ATXN7: variants seen among roughly 807,000 people sequenced by gnomAD.
The protein encoded by ATXN7 is ataxin 7, also known as ataxin-7.
ATXN7 carries 12 observed loss-of-function variants against 70.5 expected under a neutral mutation model. That is an observed-to-expected ratio of 0.17 (90% CI 0.11 to 0.28). The LOEUF is 0.28. Ranked by LOEUF, ATXN7 falls within the 10% of genes least tolerant of loss-of-function variation. The pLI is 1.00. For missense variants in ATXN7, 1,256 were observed against 1,131.7 expected (o/e 1.11, Z -1.58); for synonymous variants, 498 against 448.7 (o/e 1.11, Z -1.39).
intron 12 of ATXN7, among the ~76,000 whole-genome samples, chr3:63,997,451 T>C (rs137936303): frequency 0.011 from 1,607 of 152,294 alleles, 32 homozygotes; most frequent in African/African-American, 0.037. Context: ...AGTAGAGAAG[T>C]GGCTAAGTGG....
intron 2 of ATXN7, chr3:63,911,660 TTC>T (rs1427376948): frequency 6.6e-6 from 1 of 152,244 alleles, no homozygotes; most frequent in Non-Finnish European, 1.5e-5. Context: ...TGATCTCATG[TTC>T]TCTCTTTGCT....
At chr3:63,913,349 T>C (rs548116187) in intron 4 of ATXN7, 124 bp downstream of exon 4, 45 of 1,043,418 alleles carry the variant, frequency 4.3e-5, no homozygotes, top group Non-Finnish European at 6.2e-5. Context: ...GCGAAGATGC[T>C]GCCTGAGGAG....
intron 2 of ATXN7, 28 bp from the exon 3 acceptor site, chr3:63,912,560 T>A: frequency 9.0e-7 from 1 of 1,112,086 alleles, no homozygotes; most frequent in Non-Finnish European, 1.1e-6. Flanking sequence ...CGCGCGACTC[T>A]TTCCCCCTTT....
intron 4 of ATXN7, among the ~76,000 whole-genome samples, chr3:63,945,378 A>G (rs2074842851): frequency 6.6e-6 from 1 of 152,228 alleles, no homozygotes; most frequent in Non-Finnish European, 1.5e-5. Flanking sequence ...CAACATGCAG[A>G]TTTGAGAATC....
intron 1 of ATXN7, among the ~76,000 whole-genome samples, chr3:63,865,716 C>T (rs1702396567): frequency 6.7e-6 from 1 of 148,588 alleles, no homozygotes; most frequent in African/African-American, 2.5e-5. Flanking sequence ...ACGGTGAAAC[C>T]CCGTCTCTAC....
chr3:63,886,753 C>T (rs990400988), intron 1 of ATXN7, among the ~76,000 whole-genome samples: 25 of 152,136 alleles, frequency 1.6e-4, no homozygotes, highest in Non-Finnish European at 3.2e-4. Flanking sequence ...ATTTTCATCC[C>T]GTAGGGAGCC....
intron 1 of ATXN7, among the ~76,000 whole-genome samples, chr3:63,879,113 C>T (rs575167159): frequency 6.6e-6 from 1 of 152,266 alleles, no homozygotes; most frequent in African/African-American, 2.4e-5. Context: ...TTTATCTCAT[C>T]ATCCTCATCT....
chr3:63,925,042 A>G (rs1237400507), intron 4 of ATXN7, among the ~76,000 whole-genome samples: 1 of 152,210 alleles, frequency 6.6e-6, no homozygotes, highest in Non-Finnish European at 1.5e-5. Flanking sequence ...GTCCACATGG[A>G]CAGGCTGGTT....
Position 63,913,086 on chromosome 3 carries a change from GC to G in ATXN7, c.326-70del. ...AGGTGCCCACACCTACCCCGTGCGT[GC>G]GTGAGTGTGCGTCACACTCCTGGCC... is the stretch of plus-strand genomic sequence containing the variant. On this transcript the variant is annotated intron_variant, in intron 3 of 12. Transcript: ENST00000674280. The G allele has an allele frequency of 2.6e-6, 4 of 1,523,682 alleles. No individual in the cohort carries two copies. The South Asian group carries it at 3.4e-5, about 13-fold the overall frequency. The allele number at this position is 1,523,682 out of a possible 1,614,324, so 94.4% of individuals were successfully genotyped here. A position where few individuals can be genotyped will look rare whatever the true frequency, so the allele number is the denominator to read the frequency against.
intron 12 of ATXN7, 157 bp downstream of exon 12, chr3:63,996,640 A>AAC: frequency 2.4e-6 from 2 of 826,830 alleles, no homozygotes; most frequent in South Asian, 2.1e-5. Flanking sequence ...AAAAAAAAAA[A>AAC]AGGTTCACGG....
At chr3:63,898,236 AT>A (rs1245673735) in intron 1 of ATXN7, among the ~76,000 whole-genome samples, 162 bp from the exon 2 acceptor site, 1 of 147,176 alleles carries the variant, frequency 6.8e-6, no homozygotes, top group Non-Finnish European at 1.5e-5. Context: ...AAAAAAAAAA[AT>A]CACATTTGTA....
intron 1 of ATXN7, among the ~76,000 whole-genome samples, chr3:63,893,083 A>G (rs1042541326): frequency 5.9e-5 from 9 of 152,194 alleles, no homozygotes; most frequent in African/African-American, 2.2e-4. Context: ...TTTTCTGATA[A>G]AGGAGCACAG....
intron 9 of ATXN7, among the ~76,000 whole-genome samples, chr3:63,989,320 C>T (rs1033032701): frequency 2.0e-5 from 3 of 152,140 alleles, no homozygotes; most frequent in Non-Finnish European, 4.4e-5. Flanking sequence ...TTCCAGAGAC[C>T]ATTGTAGGTG....
intron 4 of ATXN7, among the ~76,000 whole-genome samples, chr3:63,935,729 C>T (rs1035389740): frequency 6.6e-6 from 1 of 151,930 alleles, no homozygotes; most frequent in African/African-American, 2.4e-5. Context: ...ACAGTACAGT[C>T]TTTCACATGA....
chr3:63,948,429 G>C (rs1258211816), intron 4 of ATXN7, among the ~76,000 whole-genome samples: 1 of 152,118 alleles, frequency 6.6e-6, no homozygotes, highest in Non-Finnish European at 1.5e-5. Flanking sequence ...ATGTCTAGTA[G>C]GCAGTCTGGT....
chr3:63,994,057 C>CT (rs1270415268), intron 11 of ATXN7, among the ~76,000 whole-genome samples: 1 of 152,100 alleles, frequency 6.6e-6, no homozygotes, highest in East Asian at 1.9e-4. Flanking sequence ...CATTAGAATC[C>CT]CCTGGAAAGA....
At chr3:63,982,745 A>G in intron 7 of ATXN7, 194 bp from the exon 8 acceptor site, 1 of 613,414 alleles carries the variant, frequency 1.6e-6, no homozygotes, top group Non-Finnish European at 2.9e-6. Context: ...TGATGGCAGT[A>G]GTCACCCCCT....
chr3:63,972,644 C>T (rs967893342), intron 5 of ATXN7, among the ~76,000 whole-genome samples: 1 of 152,112 alleles, frequency 6.6e-6, no homozygotes, highest in Non-Finnish European at 1.5e-5. Flanking sequence ...AATGAGCCAG[C>T]CTTTTATTTG....
intron 2 of ATXN7, among the ~76,000 whole-genome samples, chr3:63,899,061 C>CTTTTTTTTTTTTTTTTTTTTTT (rs34396635): frequency 6.8e-6 from 1 of 147,498 alleles, no homozygotes; most frequent in Non-Finnish European, 1.5e-5. Context: ...AATGGAGTGT[C>CTTTTTTTTTTTTTTTTTTTTTT]TTTTTTTTTT....
Sources: allele counts gnomAD v4.1 joint callset (sites outside exome capture counted in the v4.1 genomes callset), GRCh38; gene constraint gnomAD v4.1.1; transcripts MANE v1.5; gene names NCBI Gene and HGNC (gene_info 2026-07-23, HGNC 2026-07-21).